ZNF385D: variants seen among roughly 807,000 people sequenced by gnomAD.
ZNF385D encodes zinc finger protein 385D, also known as zinc finger protein 659.
In ZNF385D, 15 loss-of-function variants were observed where a neutral mutation model predicts 35.8. The ratio of observed to expected loss-of-function variants is 0.42; its 90% CI spans 0.28 to 0.64. The LOEUF is 0.64. Among genes scored for constraint, ZNF385D ranks in the 30% least tolerant of loss-of-function variants. The pLI is 0.23. For synonymous variants in ZNF385D, 212 were observed against 186.8 expected, an observed-to-expected ratio of 1.13 and a Z score of -1.10; for missense variants, 474 against 494.6, an observed-to-expected ratio of 0.96 and a Z score of 0.39.
intron 2 of ZNF385D, among the ~76,000 whole-genome samples, chr3:21,611,293 AT>A (rs1324400916): frequency 6.6e-6 from 1 of 152,082 alleles, no homozygotes; most frequent in African/African-American, 2.4e-5. Context: ...ATCATTTCCC[AT>A]TTTGCAGATG....
intron 2 of ZNF385D, among the ~76,000 whole-genome samples, chr3:22,347,948 T>C (rs1575168851): frequency 6.6e-6 from 1 of 152,200 alleles, no homozygotes; most frequent in Non-Finnish European, 1.5e-5. Context: ...GATTGCTTTT[T>C]CTTGTTTCAC....
intron 3 of ZNF385D, among the ~76,000 whole-genome samples, chr3:21,937,243 A>G (rs1701307500): frequency 6.6e-6 from 1 of 152,186 alleles, no homozygotes; most frequent in Non-Finnish European, 1.5e-5. Context: ...TAAAAAAATA[A>G]AAGTACAATA....
At chr3:21,563,396 T>G (rs1041388102) in intron 3 of ZNF385D, 1 of 152,232 alleles carries the variant, frequency 6.6e-6, no homozygotes, top group African/African-American at 2.4e-5. Context: ...TAAAGTGTTA[T>G]GCAGGCAATC....
intron 3 of ZNF385D, among the ~76,000 whole-genome samples, chr3:21,900,790 C>A (rs1021942535): frequency 2.0e-5 from 3 of 152,176 alleles, no homozygotes; most frequent in Non-Finnish European, 4.4e-5. Flanking sequence ...TGGTACTTGG[C>A]ACCTAGTAAA....
chr3:21,982,763 T>C (rs1040676005), intron 3 of ZNF385D, among the ~76,000 whole-genome samples: 2 of 152,202 alleles, frequency 1.3e-5, no homozygotes, highest in African/African-American at 4.8e-5. Context: ...GTTTCTACTA[T>C]ACCTAGTTTA....
chr3:21,526,779 A>G (rs1339837638), intron 3 of ZNF385D, among the ~76,000 whole-genome samples: 1 of 151,648 alleles, frequency 6.6e-6, no homozygotes, highest in Non-Finnish European at 1.5e-5. Flanking sequence ...TTTGGAAAGG[A>G]AATAAAGGAT....
chr3:22,081,128 T>C (rs1248077639), intron 3 of ZNF385D, among the ~76,000 whole-genome samples: 3 of 152,222 alleles, frequency 2.0e-5, no homozygotes, highest in Non-Finnish European at 4.4e-5. Flanking sequence ...GTCTCCTATA[T>C]CCACTACATT....
At chr3:21,982,359 G>A (rs1244101924) in intron 3 of ZNF385D, among the ~76,000 whole-genome samples, 3 of 151,850 alleles carry the variant, frequency 2.0e-5, no homozygotes, top group Admixed American at 2.0e-4. Context: ...AAGTAGAATC[G>A]CCTTTCTGAT....
chr3:22,078,713 T>C (rs995214735), intron 3 of ZNF385D, among the ~76,000 whole-genome samples: 1 of 152,078 alleles, frequency 6.6e-6, no homozygotes, highest in Non-Finnish European at 1.5e-5. Context: ...CTATCAGGAA[T>C]CTGTATCATA....
Position 21,807,204 on chromosome 3 carries a change from T to C in ZNF385D, c.326-142176A>G, listed in dbSNP as rs143017037. ...AGTATACTTTATATAAACTAAAATA[T>C]CCAAATCATTATTGAGATATTTTGC... is the stretch of plus-strand genomic sequence containing the variant. On this transcript the variant is annotated intron_variant, in intron 3 of 5. Coordinates refer to the ZNF385D transcript ENST00000494108. Among the ~76,000 whole-genome samples, 783 of 152,344 alleles carry C rather than the reference T, an allele frequency of 5.1e-3. 6 individuals carry two copies. The highest frequency in any genetic ancestry group is 0.017 in the African/African-American group (700 of 41,574).
rs1702453678 is a variant in ZNF385D, at chr3:22,294,258, G to GAT, written c.106+78190_106+78191dup. 2.6e-5 allele frequency among the ~76,000 whole-genome samples: 4 copies of GAT among 152,074 alleles called. No homozygotes were observed. The South Asian group carries it at 8.3e-4, about 32-fold the overall frequency. On this transcript the variant is annotated intron_variant, in intron 2 of 5. Coordinates refer to the ZNF385D transcript ENST00000494108. ...AAATGGCTCTAGTTAATAGGAGGTG[G>GAT]ATGCAGTTTTAGCTTCCCCACAATT...
intron 1 of ZNF385D, among the ~76,000 whole-genome samples, chr3:21,712,763 T>C (rs566019792): frequency 6.6e-6 from 1 of 152,308 alleles, no homozygotes; most frequent in South Asian, 2.1e-4. Flanking sequence ...TGCCTTTATC[T>C]ACTCTGAGCA....
At chr3:22,179,087 T>C (rs138346177) in intron 2 of ZNF385D, among the ~76,000 whole-genome samples, 14,132 of 152,212 alleles carry the variant, frequency 0.093, 855 homozygotes, top group Middle Eastern at 0.22. Flanking sequence ...TGGTTCCATA[T>C]GAACTTTAAA....
At chr3:21,673,166 A>G (rs1476611789) in intron 1 of ZNF385D, among the ~76,000 whole-genome samples, 1 of 152,180 alleles carries the variant, frequency 6.6e-6, no homozygotes, top group Non-Finnish European at 1.5e-5. Flanking sequence ...AACTAATAAA[A>G]GAGGTATCAT....
intron 4 of ZNF385D, among the ~76,000 whole-genome samples, chr3:21,509,715 A>T (rs1225149272): frequency 2.0e-5 from 3 of 152,112 alleles, no homozygotes; most frequent in African/African-American, 7.2e-5. Flanking sequence ...CAGCATACAA[A>T]GATGAGACAT....
At chr3:21,680,645 T>A (rs78968597) in intron 1 of ZNF385D, among the ~76,000 whole-genome samples, 25 of 152,314 alleles carry the variant, frequency 1.6e-4, no homozygotes, top group Middle Eastern at 3.4e-3. Flanking sequence ...ACTAGAATCA[T>A]GGCCATTCAA....
intron 3 of ZNF385D, among the ~76,000 whole-genome samples, chr3:21,925,609 G>GA (rs950052212): frequency 6.6e-6 from 1 of 151,516 alleles, no homozygotes; most frequent in Non-Finnish European, 1.5e-5. Context: ...TCCATAAAAG[G>GA]AAAAAAAAGA....
Position 21,694,880 on chromosome 3 carries a change from T to C in ZNF385D, c.23-29852A>G, listed in dbSNP as rs193125124. 1.1e-4 allele frequency among the ~76,000 whole-genome samples: 17 copies of C among 152,036 alleles called. No individual in the cohort carries two copies. The East Asian group carries it at 3.1e-3, about 28-fold the overall frequency. On this transcript the variant is annotated intron_variant, in intron 1 of 7. Coordinates refer to ENST00000281523, the MANE Select transcript of ZNF385D (RefSeq NM_024697.3). ...CAAAAAGAAGGAGAATTTTAAAAAATAGATGAAAGGAGATGTAAGGGAAGA... is the reference window on the plus strand; with the variant it reads ...CAAAAAGAAGGAGAATTTTAAAAAACAGATGAAAGGAGATGTAAGGGAAGA...
At chr3:21,879,982 T>G (rs552777674) in intron 3 of ZNF385D, among the ~76,000 whole-genome samples, 1 of 152,080 alleles carries the variant, frequency 6.6e-6, no homozygotes, top group African/African-American at 2.4e-5. Context: ...TGGCCACAAT[T>G]TGTCTCTCCC....
Sources: gnomAD v4.1 joint callset for allele counts (sites outside exome capture counted in the v4.1 genomes callset) on GRCh38, gnomAD v4.1.1 for gene constraint, MANE v1.5 for transcripts, NCBI Gene and HGNC (gene_info 2026-07-23, HGNC 2026-07-21) for gene names.